Variants in ARHGEF37 observed in about 807,000 individuals in gnomAD.
ARHGEF37 encodes the protein Rho guanine nucleotide exchange factor 37.
In ARHGEF37, 55 loss-of-function variants were observed where a neutral mutation model predicts 71.1. That is an observed-to-expected ratio of 0.77 (90% CI 0.62 to 0.97). ARHGEF37 has a LOEUF of 0.97. Among genes scored for constraint, ARHGEF37 ranks in the 50% least tolerant of loss-of-function variants. The pLI, the probability that ARHGEF37 is intolerant of heterozygous loss-of-function variation, is 0.00. For missense variants in ARHGEF37, 765 were observed against 836.8 expected, an observed-to-expected ratio of 0.91 and a Z score of 1.06; for synonymous variants, 327 against 350.6, an observed-to-expected ratio of 0.93 and a Z score of 0.75.
intron 1 of ARHGEF37, among the ~76,000 whole-genome samples, chr5:149,565,322 TGTTATA>T (rs1227831537): frequency 1.3e-5 from 2 of 152,338 alleles, no homozygotes; most frequent in Admixed American, 1.3e-4. Context: ...GAATAAGTCC[TGTTATA>T]GTTATATCTG....
At chr5:149,598,822 G>GTA (rs1384937134) in intron 2 of ARHGEF37, among the ~76,000 whole-genome samples, 50 of 147,630 alleles carry the variant, frequency 3.4e-4, no homozygotes, top group African/African-American at 1.0e-3. Flanking sequence ...GTGTGTGTGT[G>GTA]TATATATATA....
chr5:149,574,541 G>A (rs1469959248), intron 1 of ARHGEF37, among the ~76,000 whole-genome samples: 3 of 152,026 alleles, frequency 2.0e-5, no homozygotes, highest in South Asian at 2.1e-4. Context: ...TCTTCTTTTC[G>A]TGCATTTACT....
chr5:149,559,668 AATTATGTTTTGATAT>A lies in ARHGEF37; in HGVS notation c.-12+7547_-12+7561del, dbSNP rs1295283495. Among the ~76,000 whole-genome samples the A allele has an allele frequency of 2.0e-5, 3 of 152,354 alleles. No individual in the cohort carries two copies. The East Asian group carries it at 5.8e-4, about 29-fold the overall frequency. On this transcript the variant is annotated intron_variant, in intron 1 of 2. Transcript: ENST00000505810. ...CCTTGTATCATAAACAACAATTTCC[AATTATGTTTTGATAT>A]AGTTTGTGGTGATTAAACCCGTATT...
intron 1 of ARHGEF37, among the ~76,000 whole-genome samples, chr5:149,556,960 G>C (rs541405999): frequency 6.6e-6 from 1 of 152,294 alleles, no homozygotes; most frequent in African/African-American, 2.4e-5. Flanking sequence ...TTCAGTCTTG[G>C]ATAGTGATGC....
chr5:149,601,194 G>T lies in ARHGEF37; in HGVS notation c.273G>T (p.Glu91Asp). Residue 91 changes from glutamate (E) to aspartate (D), a missense_variant, in exon 3 of 13, where the codon GAG (glutamate) becomes GAT (aspartate). Around this residue, in one of 5 missense-constraint regions of ARHGEF37, gnomAD observed 201 missense variants for 217.5 expected, o/e 0.92. Coordinates refer to ENST00000333677, the MANE Select transcript of ARHGEF37 (RefSeq NM_001001669.3). Reference sequence around the variant, plus strand: ...GCAGATTCCTCCATGATCTGCAGGAGACAGCCTCCAAGGAAGAGGAACAAG... The same window carrying T: ...GCAGATTCCTCCATGATCTGCAGGATACAGCCTCCAAGGAAGAGGAACAAG... ...VNSRFLHDLQ[E>D]TASKEEEQVQ... 2 of 1,613,204 alleles carry T rather than the reference G, an allele frequency of 1.2e-6. No homozygotes were observed. Among genetic ancestry groups the T allele is most frequent in the Non-Finnish European group, 1.7e-6 (2 of 1,179,312 alleles).
chr5:149,625,526 G>C (rs552523857), intron 10 of ARHGEF37, among the ~76,000 whole-genome samples: 1 of 152,220 alleles, frequency 6.6e-6, no homozygotes, highest in Admixed American at 6.5e-5. Context: ...TGGCCCAAGT[G>C]CCGCGAACAT....
At chr5:149,565,104 T>C (rs1449950684) in intron 1 of ARHGEF37, among the ~76,000 whole-genome samples, 1 of 152,180 alleles carries the variant, frequency 6.6e-6, no homozygotes, top group Non-Finnish European at 1.5e-5. Flanking sequence ...TGTTAGGAGA[T>C]TGAGCAAACC....
At chr5:149,630,390 C>T (rs1752844989) in intron 12 of ARHGEF37, among the ~76,000 whole-genome samples, 1 of 152,042 alleles carries the variant, frequency 6.6e-6, no homozygotes, top group African/African-American at 2.4e-5. Context: ...AGGGGGTGTA[C>T]CACAGGGGAA....
chr5:149,598,769 T>A (rs1168906331), intron 2 of ARHGEF37, among the ~76,000 whole-genome samples: 1 of 83,150 alleles, frequency 1.2e-5, no homozygotes, highest in East Asian at 4.4e-4. Flanking sequence ...GATATAGATA[T>A]AGATATAGAT....
intron 9 of ARHGEF37, among the ~76,000 whole-genome samples, chr5:149,622,700 A>G (rs1752581354): frequency 6.6e-6 from 1 of 152,210 alleles, no homozygotes. Context: ...AAGAGCCTGT[A>G]AAAGGAGCTA....
chr5:149,612,630 T>C (rs190004857), intron 4 of ARHGEF37, among the ~76,000 whole-genome samples: 60 of 152,344 alleles, frequency 3.9e-4, no homozygotes, highest in African/African-American at 1.3e-3. Flanking sequence ...TGTAACACAT[T>C]TCGAGGCCTT....
At chr5:149,629,744 G>A (rs375807699) in intron 12 of ARHGEF37, among the ~76,000 whole-genome samples, 15 of 152,324 alleles carry the variant, frequency 9.8e-5, no homozygotes, top group Admixed American at 3.9e-4. Context: ...ATGTGTATGC[G>A]TGTTCATGGC....
chr5:149,620,829 C>CAAAAAAAAAAAAA (rs66996935), intron 8 of ARHGEF37, among the ~76,000 whole-genome samples: 19 of 144,820 alleles, frequency 1.3e-4, no homozygotes, highest in African/African-American at 3.8e-4. Context: ...GACTCCTTCT[C>CAAAAAAAAAAAAA]AAAAAAAGAA....
intron 1 of ARHGEF37, among the ~76,000 whole-genome samples, chr5:149,588,485 G>T (rs930114192): frequency 2.0e-5 from 3 of 151,900 alleles, no homozygotes; most frequent in Non-Finnish European, 4.4e-5. Flanking sequence ...TTTTAGCAGA[G>T]ATGGGGTTTT....
At chr5:149,613,526 T>C (rs1752264288) in intron 4 of ARHGEF37, among the ~76,000 whole-genome samples, 1 of 152,046 alleles carries the variant, frequency 6.6e-6, no homozygotes, top group African/African-American at 2.4e-5. Context: ...TTTGTATTTT[T>C]AGTACAGACA....
intron 1 of ARHGEF37, among the ~76,000 whole-genome samples, chr5:149,582,111 C>G (rs1039973573): frequency 2.0e-5 from 3 of 152,188 alleles, no homozygotes; most frequent in African/African-American, 7.2e-5. Context: ...TCAGAAAAGT[C>G]GTGCCAAAGC....
intron 12 of ARHGEF37, among the ~76,000 whole-genome samples, chr5:149,631,054 G>A (rs1752864540): frequency 6.6e-6 from 1 of 152,166 alleles, no homozygotes; most frequent in African/African-American, 2.4e-5. Context: ...CAGGCTCAGA[G>A]AGGTTAAATA....
rs1373137232 is a variant in ARHGEF37, at chr5:149,628,946, T to C, written c.1798T>C (p.Ser600Pro). 6 of 1,612,700 alleles carry C rather than the reference T, an allele frequency of 3.7e-6. No individual in the cohort carries two copies. In the South Asian group the frequency reaches 6.6e-5, roughly 18 times the overall value. Reference protein sequence around the residue: ...TPEPSPALVPSIPTMNQVIAA... With the variant: ...TPEPSPALVPPIPTMNQVIAA... The stretch of plus-strand genomic sequence containing the variant: ...GGAGCCCAGCCCAGCTCTAGTGCCC[T>C]CTATTCCCACCATGAACCAGGTGAG... Residue 600 changes from serine (S) to proline (P), a missense_variant, in exon 12 of 13, where the codon TCT (serine) becomes CCT (proline). Ser to Pro is a moderately conservative substitution (Grantham distance 74). Around this residue, in one of 5 missense-constraint regions of ARHGEF37, gnomAD observed 390 missense variants for 407.4 expected, o/e 0.96. Coordinates refer to ENST00000333677, the MANE Select transcript of ARHGEF37 (RefSeq NM_001001669.3).
At chr5:149,621,657 C>A in intron 8 of ARHGEF37, 76 bp from the exon 9 acceptor site, 1 of 1,374,200 alleles carries the variant, frequency 7.3e-7, no homozygotes, top group Non-Finnish European at 1.0e-6. Flanking sequence ...GGCCTGCATG[C>A]TTCCAAAGCC....
Sources: gnomAD v4.1 joint callset for allele counts (sites outside exome capture counted in the v4.1 genomes callset) on GRCh38, gnomAD v4.1.1 for gene constraint, gnomAD v4.1.1 regional missense constraint, MANE v1.5 for transcripts, NCBI Gene and HGNC (gene_info 2026-07-23, HGNC 2026-07-21) for gene names.